Variants in CIMIP2A observed in about 807,000 individuals in gnomAD.
CIMIP2A encodes ciliary microtubule inner protein 2A.
the CIMIP2A span, chr9:137,244,452 A>C: frequency 6.6e-7 from 1 of 1,505,978 alleles, no homozygotes; most frequent in Admixed American, 2.1e-5. Context: ...ACTTGAGTGC[A>C]GGGATCCAAG....
At chr9:137,252,270 C>A in the CIMIP2A span, 1 of 1,370,674 alleles carries the variant, frequency 7.3e-7, no homozygotes, top group African/African-American at 1.4e-5. Context: ...CTAGGCTCAG[C>A]ACCTGTAAGG....
At chr9:137,244,175 G>A in the CIMIP2A span, 2 of 1,613,776 alleles carry the variant, frequency 1.2e-6, no homozygotes, top group Non-Finnish European at 1.7e-6. Context: ...ACTCACCGGG[G>A]ATGAACCCCA....
At chr9:137,244,182 C>G in the CIMIP2A span, 1 of 1,613,880 alleles carries the variant, frequency 6.2e-7, no homozygotes, top group Non-Finnish European at 8.5e-7. Context: ...GGGGATGAAC[C>G]CCATGTAGAA....
the CIMIP2A span, chr9:137,244,473 G>A: frequency 4.0e-6 from 6 of 1,497,524 alleles, 1 homozygote; most frequent in African/African-American, 6.9e-5. Flanking sequence ...CAAGACTCAG[G>A]AGAGAGGGGT....
chr9:137,246,559 C>T, the CIMIP2A span, among the ~76,000 whole-genome samples: 1 of 152,006 alleles, frequency 6.6e-6, no homozygotes, highest in Non-Finnish European at 1.5e-5. Context: ...GTCAGGAGAT[C>T]AAGACCATCC....
the CIMIP2A span, chr9:137,244,971 A>G: frequency 6.2e-7 from 1 of 1,605,624 alleles, no homozygotes; most frequent in Non-Finnish European, 8.5e-7. Flanking sequence ...CCAGGCCGCT[A>G]GCCTGTTCTG....
chr9:137,252,918 C>T, the CIMIP2A span: 1 of 1,599,956 alleles, frequency 6.3e-7, no homozygotes, highest in Non-Finnish European at 8.5e-7. Context: ...CGCTCGCCGG[C>T]CTTCTCGATG....
the CIMIP2A span, among the ~76,000 whole-genome samples, chr9:137,249,357 T>C: frequency 6.6e-6 from 1 of 152,194 alleles, no homozygotes; most frequent in African/African-American, 2.4e-5. Context: ...TACAAGACAC[T>C]GCAAACTGGG....
the CIMIP2A span, chr9:137,253,478 T>TC: frequency 1.7e-5 from 24 of 1,432,612 alleles, no homozygotes; most frequent in Non-Finnish European, 2.1e-5. Flanking sequence ...CTGTTGGTTT[T>TC]CCCGAGCTCT....
the CIMIP2A span, chr9:137,253,450 C>A: frequency 7.0e-7 from 1 of 1,436,976 alleles, no homozygotes; most frequent in South Asian, 1.5e-5. Context: ...CTGCCCATCT[C>A]CCCGCTACAC....
chr9:137,245,567 C>T, the CIMIP2A span: 1 of 1,613,734 alleles, frequency 6.2e-7, no homozygotes, highest in Non-Finnish European at 8.5e-7. Context: ...CCTGTACCAA[C>T]AGGGCAGCCT....
At chr9:137,248,612 G>A in the CIMIP2A span, among the ~76,000 whole-genome samples, 1 of 151,086 alleles carries the variant, frequency 6.6e-6, no homozygotes, top group East Asian at 2.0e-4. Flanking sequence ...TAATTGCGGT[G>A]CTTTCGGAGG....
chr9:137,252,975 C>T, the CIMIP2A span: 7 of 1,588,750 alleles, frequency 4.4e-6, no homozygotes, highest in East Asian at 1.6e-4. Context: ...TGTAAGGAGG[C>T]CTGGAGAGAA....
the CIMIP2A span, chr9:137,251,406 G>A: frequency 8.8e-6 from 14 of 1,594,442 alleles, no homozygotes; most frequent in East Asian, 1.3e-4. Flanking sequence ...AGTAACTGGC[G>A]GAGAGGGGGA....
chr9:137,251,634 C>A, the CIMIP2A span: 1 of 1,398,878 alleles, frequency 7.1e-7, no homozygotes, highest in South Asian at 1.4e-5. Context: ...GGGCACGTGG[C>A]TGGGAGCAGC....
At chr9:137,244,189 AGAAGGG>A in the CIMIP2A span, 2 of 1,613,776 alleles carry the variant, frequency 1.2e-6, no homozygotes, top group African/African-American at 2.7e-5. Context: ...AACCCCATGT[AGAAGGG>A]GATCAGGCCT....
chr9:137,247,347 C>T, the CIMIP2A span, among the ~76,000 whole-genome samples: 2 of 152,254 alleles, frequency 1.3e-5, no homozygotes, highest in Non-Finnish European at 2.9e-5. Context: ...GCGTCGGGCA[C>T]TTACTAGCCG....
chr9:137,251,698 G>T, the CIMIP2A span: 5 of 1,546,878 alleles, frequency 3.2e-6, no homozygotes, highest in South Asian at 4.8e-5. Flanking sequence ...GGCTGGGAGC[G>T]GCCGGGGGCT....
At chr9:137,247,429 G>A in the CIMIP2A span, among the ~76,000 whole-genome samples, 1 of 152,268 alleles carries the variant, frequency 6.6e-6, no homozygotes, top group East Asian at 1.9e-4. Flanking sequence ...CGAGTTCGCA[G>A]CTGCACACCA....
Sources: gnomAD v4.1 joint callset for allele counts (sites outside exome capture counted in the v4.1 genomes callset) on GRCh38, gnomAD v4.1.1 for gene constraint, MANE v1.5 for transcripts, NCBI Gene and HGNC (gene_info 2026-07-23, HGNC 2026-07-21) for gene names.